The following ASTN1 variants were observed in gnomAD, a reference collection of about 807,000 sequenced individuals.
ASTN1 encodes astrotactin-1.
Under a neutral mutation model 140.7 loss-of-function variants are expected in ASTN1, and 41 were observed. That is an observed-to-expected ratio of 0.29 (90% confidence interval 0.23 to 0.38). The LOEUF (loss-of-function observed/expected upper bound fraction) is 0.38. ASTN1 is among the 10% of genes least tolerant of loss of function. The pLI is 1.00. For synonymous variants in ASTN1, 640 were observed against 652.2 expected, an observed-to-expected ratio of 0.98 and a Z score of 0.29; for missense variants, 1,479 against 1,678.8, an observed-to-expected ratio of 0.88 and a Z score of 2.08.
intron 9 of ASTN1, among the ~76,000 whole-genome samples, chr1:176,959,827 T>C (rs1672577054): frequency 6.6e-6 from 1 of 152,180 alleles, no homozygotes; most frequent in Non-Finnish European, 1.5e-5. Context: ...TTAAGCAGCA[T>C]TGAAATGTCA....
intron 2 of ASTN1, among the ~76,000 whole-genome samples, chr1:177,050,547 G>A (rs1677487033): frequency 1.3e-5 from 2 of 152,174 alleles, no homozygotes; most frequent in South Asian, 2.1e-4. Context: ...TAGCAAGGCA[G>A]CAGCAAGAGG....
intron 2 of ASTN1, among the ~76,000 whole-genome samples, chr1:177,047,949 C>G (rs769625026): frequency 1.3e-5 from 2 of 152,152 alleles, no homozygotes; most frequent in Non-Finnish European, 1.5e-5. Flanking sequence ...TGACCTGGAA[C>G]GATCAGCTAG....
intron 12 of ASTN1, 84 bp downstream of exon 12, chr1:176,949,101 C>G (rs541932510): frequency 1.9e-6 from 3 of 1,556,840 alleles, no homozygotes; most frequent in South Asian, 1.2e-5. Context: ...GACCTATTCA[C>G]TCACATTTCC....
At chr1:176,860,628 C>A (rs545648615), downstream of ASTN1, among the ~76,000 whole-genome samples, 61 of 152,278 alleles carry the variant, frequency 4.0e-4, no homozygotes, top group African/African-American at 1.3e-3. Flanking sequence ...CAACATTTTT[C>A]TTAAATGGCC....
chr1:177,030,743 A>G (rs899738339), intron 4 of ASTN1, 63 bp downstream of exon 4: 2 of 1,593,276 alleles, frequency 1.3e-6, no homozygotes, highest in Non-Finnish European at 1.7e-6. Context: ...GAAGATATTA[A>G]TGGCCCTGCC....
intron 1 of ASTN1, among the ~76,000 whole-genome samples, chr1:177,162,081 G>T (rs1439211919): frequency 6.6e-6 from 1 of 152,102 alleles, no homozygotes; most frequent in Non-Finnish European, 1.5e-5. Context: ...AGTAAACAAG[G>T]TTCCAAAGAT....
intron 8 of ASTN1, among the ~76,000 whole-genome samples, chr1:177,009,756 T>A (rs1675196256): frequency 6.6e-6 from 1 of 152,194 alleles, no homozygotes. Flanking sequence ...GGCAGGACCA[T>A]TCCTGACAAC....
intron 2 of ASTN1, among the ~76,000 whole-genome samples, chr1:177,033,271 T>G (rs570920298): frequency 8.5e-5 from 13 of 152,070 alleles, no homozygotes; most frequent in Non-Finnish European, 1.0e-4. Context: ...TGACATCTGG[T>G]TTCTTCCTGT....
At chr1:177,111,816 G>C (rs1396619122) in intron 1 of ASTN1, among the ~76,000 whole-genome samples, 1 of 152,132 alleles carries the variant, frequency 6.6e-6, no homozygotes, top group Non-Finnish European at 1.5e-5. Context: ...TTTGTATGGT[G>C]GGCTTTTGGT....
At chr1:176,880,606 GAAT>G (rs1257762563) in intron 20 of ASTN1, among the ~76,000 whole-genome samples, 18 of 152,102 alleles carry the variant, frequency 1.2e-4, no homozygotes, top group Non-Finnish European at 1.9e-4. Context: ...ATCCTTCTCA[GAAT>G]AATGTTTTAA....
At chr1:176,992,544 G>C (rs1473998998) in intron 8 of ASTN1, among the ~76,000 whole-genome samples, 1 of 152,140 alleles carries the variant, frequency 6.6e-6, no homozygotes, top group African/African-American at 2.4e-5. Context: ...CAAGCTAGAT[G>C]AGGATTAGAA....
chr1:177,026,161 G>A (rs1363381145), intron 5 of ASTN1, among the ~76,000 whole-genome samples: 1 of 152,184 alleles, frequency 6.6e-6, no homozygotes, highest in African/African-American at 2.4e-5. Context: ...TAGCTGGAAA[G>A]GAGAGACTTG....
rs1468721356 is a variant in ASTN1 at position 177,145,217 on chromosome 1, G to T, written c.283+19177C>A. Among the ~76,000 whole-genome samples, 5 of 152,152 alleles carry T rather than the reference G, an allele frequency of 3.3e-5. No homozygotes were observed. The East Asian group carries it at 9.6e-4, about 29-fold the overall frequency. Reference sequence around the variant, plus strand: ...GATTTAGGTGTGCTGTCTTAAAGTAGCTCATACTTTTCCAAGTGGCTCTGT... The same window carrying T: ...GATTTAGGTGTGCTGTCTTAAAGTATCTCATACTTTTCCAAGTGGCTCTGT... On this transcript the variant is annotated intron_variant, in intron 1 of 22. Transcript: ENST00000361833.
chr1:177,125,212 G>A (rs1477258962), intron 1 of ASTN1, among the ~76,000 whole-genome samples: 3 of 152,214 alleles, frequency 2.0e-5, no homozygotes, highest in African/African-American at 7.2e-5. Context: ...ACGAAGAAAT[G>A]GGAATTTGCC....
At chr1:177,019,760 C>T (rs529329301) in intron 7 of ASTN1, among the ~76,000 whole-genome samples, 23 of 152,320 alleles carry the variant, frequency 1.5e-4, no homozygotes, top group Admixed American at 5.2e-4. Flanking sequence ...AGCAAGTATT[C>T]TCCAGCTCCA....
At chr1:177,149,158 G>C (rs1169708635) in intron 1 of ASTN1, among the ~76,000 whole-genome samples, 1 of 117,264 alleles carries the variant, frequency 8.5e-6, no homozygotes, top group East Asian at 2.4e-4. Flanking sequence ...CATATATATA[G>C]TGTATATATA....
intron 1 of ASTN1, among the ~76,000 whole-genome samples, chr1:177,153,749 A>G (rs917559018): frequency 6.6e-6 from 1 of 152,204 alleles, no homozygotes; most frequent in South Asian, 2.1e-4. Context: ...AAACAAAAAC[A>G]TAGGCAAAGT....
chr1:177,094,571 C>G (rs1679931504), intron 1 of ASTN1, among the ~76,000 whole-genome samples: 1 of 152,192 alleles, frequency 6.6e-6, no homozygotes, highest in South Asian at 2.1e-4. Context: ...GTGGCTTAAT[C>G]TTGGACTTCC....
At chr1:177,064,643 A>T (rs1678261678) in intron 1 of ASTN1, among the ~76,000 whole-genome samples, 1 of 152,238 alleles carries the variant, frequency 6.6e-6, no homozygotes, top group African/African-American at 2.4e-5. Context: ...CCATCTCTAC[A>T]GACAGTGAGT....
Sources: allele counts gnomAD v4.1 joint callset (sites outside exome capture counted in the v4.1 genomes callset), GRCh38; gene constraint gnomAD v4.1.1; transcripts MANE v1.5; gene names NCBI Gene and HGNC (gene_info 2026-07-23, HGNC 2026-07-21).